The following MTF1 variants were observed in gnomAD, a reference collection of about 807,000 sequenced individuals.
MTF1 encodes MRE-binding transcription factor.
MTF1 carries 22 observed loss-of-function variants against 70.4 expected under a neutral mutation model. That is an observed-to-expected ratio of 0.31 (90% confidence interval 0.22 to 0.45). The LOEUF is 0.45. Ranked by LOEUF, MTF1 falls within the 20% of genes least tolerant of loss-of-function variation. The probability of loss-of-function intolerance (pLI) is 1.00; values close to 1 mark genes in which losing one functional copy is unlikely to be tolerated. For missense variants in MTF1, 649 were observed against 922.0 expected, an observed-to-expected ratio of 0.70 and a Z score of 3.83; for synonymous variants, 333 against 352.8, an observed-to-expected ratio of 0.94 and a Z score of 0.63.
chr1:37,823,841 T>G, intron 7 of MTF1, 29 bp from the exon 8 acceptor site: 1 of 1,529,180 alleles, frequency 6.5e-7, no homozygotes, highest in Non-Finnish European at 9.1e-7. Flanking sequence ...GATGTGAGAT[T>G]GGCCATCTTG....
chr1:37,840,050 TACAG>T lies in MTF1; in HGVS notation c.513_516del (p.Cys172IlefsTer45). On this transcript the variant is annotated frameshift_variant, in exon 3 of 11. Transcript: ENST00000373036. LOFTEE classifies it high-confidence loss of function. This position sits in a 1 kb window ranked among gnomAD's most constrained non-coding sequence, Gnocchi z 4.5. Reference sequence around the variant, plus strand: ...AAGGCTTTGCCACAGCCCTCCTGATTACAGACAAAGGTGTACTCTCCTCGGTGAG... The same window carrying T: ...AAGGCTTTGCCACAGCCCTCCTGATTACAAAGGTGTACTCTCCTCGGTGAG... The T allele has an allele frequency of 6.2e-7, 1 of 1,614,268 alleles. No individual in the cohort carries two copies. The highest frequency in any genetic ancestry group is 8.5e-7 in the Non-Finnish European group (1 of 1,180,048).
chr1:37,840,362 G>T lies in MTF1; in HGVS notation c.409-204C>A. 3.3e-6 allele frequency: 2 copies of T among 600,934 alleles called. No individual in the cohort carries two copies. Among genetic ancestry groups the T allele is most frequent in the Non-Finnish European group, 6.0e-6 (2 of 335,600 alleles). The allele number at this position is 600,934 out of a possible 1,614,324, so 37.2% of individuals were successfully genotyped here. ...CTGGACAACACATAATGATTTATGG[G>T]GAAGAAATAAGTCTATATGTAGATG... On this transcript the variant is annotated intron_variant, in intron 2 of 10. Coordinates refer to ENST00000373036, the MANE Select transcript of MTF1 (RefSeq NM_005955.3). The surrounding 1 kb of genome is among the most constrained non-coding windows in gnomAD (Gnocchi z 4.5).
intron 2 of MTF1, among the ~76,000 whole-genome samples, chr1:37,855,754 C>T (rs562347977): frequency 6.6e-6 from 1 of 152,086 alleles, no homozygotes; most frequent in East Asian, 1.9e-4. Flanking sequence ...GTCAAGAGTT[C>T]GAGACCAGCC....
At chr1:37,859,447 T>A in intron 1 of MTF1, 84 bp downstream of exon 1, 1 of 398,550 alleles carries the variant, frequency 2.5e-6, no homozygotes, top group Non-Finnish European at 4.4e-6. Flanking sequence ...GAGGTCTCTA[T>A]TGGGAAATGC....
intron 4 of MTF1, among the ~76,000 whole-genome samples, chr1:37,837,389 T>C (rs1310454557): frequency 6.6e-6 from 1 of 152,192 alleles, no homozygotes; most frequent in East Asian, 1.9e-4. Flanking sequence ...TGACTGTCTC[T>C]AACGACTTTT....
intron 2 of MTF1, among the ~76,000 whole-genome samples, chr1:37,845,609 A>G (rs529648118): frequency 6.6e-6 from 1 of 152,308 alleles, no homozygotes; most frequent in South Asian, 2.1e-4. Flanking sequence ...CCTGGGCTCA[A>G]GCAGTCTATT....
intron 7 of MTF1, among the ~76,000 whole-genome samples, chr1:37,830,307 TTC>T (rs761788468): frequency 8.5e-5 from 13 of 152,244 alleles, no homozygotes; most frequent in Admixed American, 2.0e-4. Flanking sequence ...ACTCAACTGA[TTC>T]TTTCTTCTGT....
intron 2 of MTF1, among the ~76,000 whole-genome samples, chr1:37,842,175 G>A (rs1641264322): frequency 6.6e-6 from 1 of 152,290 alleles, no homozygotes; most frequent in African/African-American, 2.4e-5. Flanking sequence ...GCTGAGGTGG[G>A]AAGATCCACT....
At chr1:37,828,236 A>C (rs1313066379) in intron 7 of MTF1, 1 of 361,584 alleles carries the variant, frequency 2.8e-6, no homozygotes, top group Non-Finnish European at 5.3e-6. Flanking sequence ...GGTTGTCTGC[A>C]GGGAGAGATC....
intron 2 of MTF1, among the ~76,000 whole-genome samples, chr1:37,849,501 A>C (rs1044710849): frequency 6.6e-6 from 1 of 152,146 alleles, no homozygotes; most frequent in Non-Finnish European, 1.5e-5. Flanking sequence ...AATGTGCTGG[A>C]ATACTTTGGT....
rs1313398251 is a variant in MTF1 at position 37,822,723 on chromosome 1, A to G, written c.1172-7T>C. ...AAACTTTCAGTCAAGGAAGCTGGCA[A>G]GAAAAAGAAATAGAAATATATATAC... On this transcript the variant is annotated splice_polypyrimidine_tract_variant and splice_region_variant and intron_variant, in intron 8 of 10. Transcript: ENST00000373036. 3 of 1,591,728 alleles carry G rather than the reference A, an allele frequency of 1.9e-6. No homozygotes were observed. In the South Asian group the frequency reaches 3.3e-5, roughly 18 times the overall value.
At chr1:37,825,450 T>G (rs1279868230) in intron 7 of MTF1, among the ~76,000 whole-genome samples, 1 of 152,058 alleles carries the variant, frequency 6.6e-6, no homozygotes, top group Non-Finnish European at 1.5e-5. Context: ...TTGTCCAGGC[T>G]GGTCTGGAAC....
In MTF1 at chr1:37,810,684, T is replaced by C. The variant is rs1640706569; in HGVS notation, c.*4452A>G. ...TCTGATCTATGTCACAGCAGAACTA[T>C]TTGCATATTGGATCTATGAAAATCC... On this transcript the variant is annotated 3_prime_UTR_variant, in exon 11 of 11. Transcript: ENST00000373036. The C allele has an allele frequency of 6.6e-6, 1 of 152,244 alleles. No homozygotes were observed. The highest frequency in any genetic ancestry group is 1.5e-5 in the Non-Finnish European group (1 of 68,046). The allele number at this position is 152,244 out of a possible 1,614,324, so 9.4% of individuals were successfully genotyped here. A position where few individuals can be genotyped will look rare whatever the true frequency, so the allele number is the denominator to read the frequency against.
At chr1:37,817,763 A>G (rs1303343224) in intron 9 of MTF1, among the ~76,000 whole-genome samples, 1 of 152,046 alleles carries the variant, frequency 6.6e-6, no homozygotes, top group Non-Finnish European at 1.5e-5. Flanking sequence ...CTCCTCCTCC[A>G]AGGTTGCTTT....
chr1:37,845,124 T>C (rs757866492), intron 2 of MTF1, among the ~76,000 whole-genome samples: 6 of 152,194 alleles, frequency 3.9e-5, no homozygotes, highest in Non-Finnish European at 7.4e-5. Flanking sequence ...GGGACTAGCA[T>C]TGTGGAGAAG....
rs757277432 is a variant in MTF1 at position 37,857,405 on chromosome 1, T to A, written c.254A>T (p.Asp85Val). The A allele has an allele frequency of 6.2e-7, 1 of 1,614,168 alleles. No individual in the cohort carries two copies. The change falls in exon 2 of 11, where the codon GAT becomes GTT. Residue 85 changes from aspartate (D) to valine (V), a missense_variant. Asp to Val is a radical substitution (Grantham distance 152). Coordinates refer to ENST00000373036, the MANE Select transcript of MTF1 (RefSeq NM_005955.3). ...VGGEEGFHLI[D>V]HEAMSQGYVQ... ...ATAACCCTGGGACATTGCTTCATGA[T>A]CTATCAGGTGAAAGCCCTCTTCACC...
Position 37,822,198 on chromosome 1 carries a change from T to C in MTF1, c.1690A>G (p.Ser564Gly), listed in dbSNP as rs1640920314. The C allele has an allele frequency of 6.2e-7, 1 of 1,614,066 alleles. No homozygotes were observed. Among genetic ancestry groups the C allele is most frequent in the Non-Finnish European group, 8.5e-7 (1 of 1,180,024 alleles). Reference protein sequence around the residue: ...PTPNTAILQSSLVMGEQNLQW... With the variant: ...PTPNTAILQSGLVMGEQNLQW... The stretch of plus-strand genomic sequence containing the variant: ...AAGTTCTGTTCTCCCATGACTAGGC[T>C]GGACTGCAGGATAGCTGTGTTGGGA... Residue 564 changes from serine (S) to glycine (G), a missense_variant, in exon 9 of 11, where the codon AGC becomes GGC. This residue lies in a region of MTF1 where 39 missense variants were observed against 97.8 expected (regional missense o/e 0.40). Coordinates refer to ENST00000373036, the MANE Select transcript of MTF1 (RefSeq NM_005955.3).
At chr1:37,822,010 G>A in intron 9 of MTF1, 111 bp downstream of exon 9, 1 of 820,398 alleles carries the variant, frequency 1.2e-6, no homozygotes, top group Non-Finnish European at 1.9e-6. Flanking sequence ...AGAATTACAT[G>A]TTTCACGGTG....
chr1:37,845,115 G>A (rs1281734608), intron 2 of MTF1, among the ~76,000 whole-genome samples: 2 of 152,168 alleles, frequency 1.3e-5, no homozygotes, highest in Non-Finnish European at 2.9e-5. Flanking sequence ...ACAACTTCCG[G>A]GACTAGCATT....
Sources: gnomAD v4.1 joint callset for allele counts (sites outside exome capture counted in the v4.1 genomes callset) on GRCh38, gnomAD v4.1.1 for gene constraint, gnomAD v4.1.1 regional missense constraint, Gnocchi (gnomAD v3.1) non-coding constraint, MANE v1.5 for transcripts, NCBI Gene and HGNC (gene_info 2026-07-23, HGNC 2026-07-21) for gene names.